ZMAT4: variants seen among roughly 807,000 people sequenced by gnomAD.
The protein encoded by ZMAT4 is zinc finger matrin-type 4, also known as zinc finger matrin-type protein 4.
In ZMAT4, 17 loss-of-function variants were observed where a neutral mutation model predicts 28.7. The ratio of observed to expected loss-of-function variants is 0.59; its 90% CI spans 0.41 to 0.89. The LOEUF is 0.89. ZMAT4 is among the 40% of genes least tolerant of loss of function. The pLI, the probability that ZMAT4 is intolerant of heterozygous loss-of-function variation, is 0.00. For synonymous variants in ZMAT4, 117 were observed against 109.2 expected, an observed-to-expected ratio of 1.07 and a Z score of -0.44; for missense variants, 240 against 283.8, an observed-to-expected ratio of 0.85 and a Z score of 1.11.
chr8:40,580,784 T>A (rs1804439590), intron 6 of ZMAT4, among the ~76,000 whole-genome samples: 2 of 152,200 alleles, frequency 1.3e-5, no homozygotes, highest in Admixed American at 1.3e-4. Context: ...TATGTTTCTA[T>A]AATAATCAAC....
chr8:40,655,672 A>G (rs953888310), intron 5 of ZMAT4, among the ~76,000 whole-genome samples: 5 of 152,106 alleles, frequency 3.3e-5, no homozygotes, highest in Non-Finnish European at 5.9e-5. Flanking sequence ...TGGTCCATTG[A>G]GTTTCAGCAA....
chr8:40,832,902 G>A (rs1440280508), intron 1 of ZMAT4, among the ~76,000 whole-genome samples: 1 of 152,186 alleles, frequency 6.6e-6, no homozygotes, highest in Non-Finnish European at 1.5e-5. Context: ...TCCATACTTG[G>A]TTTGCCCTTT....
intron 3 of ZMAT4, among the ~76,000 whole-genome samples, chr8:40,725,515 A>C (rs1250713416): frequency 6.6e-6 from 1 of 152,204 alleles, no homozygotes; most frequent in African/African-American, 2.4e-5. Context: ...TTCAAAGCCC[A>C]ATGTTGCTTG....
intron 3 of ZMAT4, among the ~76,000 whole-genome samples, chr8:40,729,098 T>C (rs2150524488): frequency 6.6e-6 from 1 of 152,342 alleles, no homozygotes; most frequent in Non-Finnish European, 1.5e-5. Flanking sequence ...TTACATTTTC[T>C]TTTTAAACAG....
chr8:40,762,386 G>T (rs987450239), intron 3 of ZMAT4, among the ~76,000 whole-genome samples: 2 of 152,168 alleles, frequency 1.3e-5, no homozygotes, highest in Non-Finnish European at 2.9e-5. Context: ...CAGGTGTGGT[G>T]GTTCATGCCT....
intron 1 of ZMAT4, among the ~76,000 whole-genome samples, chr8:40,829,609 C>T (rs1264712212): frequency 6.6e-6 from 1 of 152,114 alleles, no homozygotes; most frequent in African/African-American, 2.4e-5. Flanking sequence ...GAGGCACAAC[C>T]CCTGTCTTCC....
intron 1 of ZMAT4, among the ~76,000 whole-genome samples, chr8:40,894,553 A>G (rs1055477813): frequency 6.6e-6 from 1 of 152,218 alleles, no homozygotes; most frequent in East Asian, 1.9e-4. Context: ...TGATTTAGTC[A>G]TAATTTGGGC....
chr8:40,681,549 T>G (rs1277702346), intron 4 of ZMAT4, among the ~76,000 whole-genome samples: 9 of 152,204 alleles, frequency 5.9e-5, no homozygotes, highest in Non-Finnish European at 1.3e-4. Context: ...CAGTCCAGCC[T>G]CCTCTTCAGG....
At chr8:40,804,186 C>T (rs1038139616) in intron 2 of ZMAT4, among the ~76,000 whole-genome samples, 1 of 152,084 alleles carries the variant, frequency 6.6e-6, no homozygotes, top group Non-Finnish European at 1.5e-5. Flanking sequence ...TGTCCAAACC[C>T]ATAGAATATA....
At chr8:40,893,248 C>T (rs972890854) in intron 1 of ZMAT4, among the ~76,000 whole-genome samples, 13 of 152,276 alleles carry the variant, frequency 8.5e-5, no homozygotes, top group South Asian at 4.1e-4. Context: ...CACCATGGCC[C>T]GCACGAGAGG....
At chr8:40,567,497 C>G (rs1803957817) in intron 6 of ZMAT4, among the ~76,000 whole-genome samples, 1 of 151,968 alleles carries the variant, frequency 6.6e-6, no homozygotes, top group African/African-American at 2.4e-5. Context: ...CTGGGAGGCT[C>G]AAGCGGGCAG....
intron 6 of ZMAT4, among the ~76,000 whole-genome samples, chr8:40,547,313 A>G (rs943448302): frequency 3.9e-5 from 6 of 152,146 alleles, no homozygotes; most frequent in African/African-American, 1.4e-4. Flanking sequence ...GACCTCTGAC[A>G]TGGGTCTCTC....
chr8:40,871,280 A>C (rs1330178047), intron 1 of ZMAT4, among the ~76,000 whole-genome samples: 1 of 152,208 alleles, frequency 6.6e-6, no homozygotes, highest in Non-Finnish European at 1.5e-5. Context: ...CTATGAGTGC[A>C]CAATGTCCAA....
chr8:40,817,410 T>G (rs1161270277), intron 2 of ZMAT4, among the ~76,000 whole-genome samples: 1 of 151,964 alleles, frequency 6.6e-6, no homozygotes, highest in Non-Finnish European at 1.5e-5. Flanking sequence ...ACTCCAGGGG[T>G]CAGTGCCAGG....
chr8:40,890,978 C>A (rs1010964698), intron 1 of ZMAT4, among the ~76,000 whole-genome samples: 1 of 151,726 alleles, frequency 6.6e-6, no homozygotes, highest in Middle Eastern at 3.4e-3. Flanking sequence ...TACCCTACAC[C>A]CAGATGCACT....
intron 5 of ZMAT4, among the ~76,000 whole-genome samples, chr8:40,606,600 G>A (rs1805587956): frequency 6.6e-6 from 1 of 152,160 alleles, no homozygotes; most frequent in Non-Finnish European, 1.5e-5. Flanking sequence ...TTTGCCTCAT[G>A]GCTCTTAGGA....
At chr8:40,793,447 G>A (rs1433511074) in intron 2 of ZMAT4, among the ~76,000 whole-genome samples, 3 of 147,248 alleles carry the variant, frequency 2.0e-5, no homozygotes, top group Non-Finnish European at 3.1e-5. Flanking sequence ...ACGCTCCATC[G>A]ATTTTCCAAT....
At position 40,736,280 on chromosome 8, in the gene ZMAT4, C is replaced by A. The variant is rs115304952; in HGVS notation, c.192+31361G>T. 8.7e-3 allele frequency among the ~76,000 whole-genome samples: 1,317 copies of A among 152,254 alleles called. 18 individuals are homozygous for A. The highest frequency in any genetic ancestry group is 0.03 in the African/African-American group (1,249 of 41,542). Reference sequence around the variant, plus strand: ...TTTCCTGACTGCTGCAAACAGCTCACCAGGAAAATGTACAGGAGGTGGAGG... The same window carrying A: ...TTTCCTGACTGCTGCAAACAGCTCAACAGGAAAATGTACAGGAGGTGGAGG... On this transcript the variant is annotated intron_variant, in intron 3 of 6. Coordinates refer to ENST00000297737, the MANE Select transcript of ZMAT4 (RefSeq NM_024645.3).
At chr8:40,723,882 G>A (rs1023204661) in intron 3 of ZMAT4, among the ~76,000 whole-genome samples, 3 of 152,112 alleles carry the variant, frequency 2.0e-5, no homozygotes, top group East Asian at 3.9e-4. Flanking sequence ...AGCCAGCAGA[G>A]AGCTGCCACT....
Sources: gnomAD v4.1 joint callset for allele counts (sites outside exome capture counted in the v4.1 genomes callset) on GRCh38, gnomAD v4.1.1 for gene constraint, MANE v1.5 for transcripts, NCBI Gene and HGNC (gene_info 2026-07-23, HGNC 2026-07-21) for gene names.